NAE1: variants seen among roughly 807,000 people sequenced by gnomAD.
The protein encoded by NAE1 is NEDD8-activating enzyme E1 regulatory subunit.
A neutral mutation model predicts 88.0 loss-of-function variants in NAE1; 59 were observed. The ratio of observed to expected loss-of-function variants is 0.67; its 90% confidence interval spans 0.54 to 0.83. The LOEUF is 0.83. Ranked by LOEUF, NAE1 falls within the 40% of genes least tolerant of loss-of-function variation. NAE1 has a pLI of 0.00. For missense variants in NAE1, 554 were observed against 632.8 expected (o/e 0.88, Z 1.34); for synonymous variants, 186 against 208.9 (o/e 0.89, Z 0.95).
intron 7 of NAE1, among the ~76,000 whole-genome samples, chr16:66,820,073 C>T (rs1960190972): frequency 6.6e-6 from 1 of 152,278 alleles, no homozygotes; most frequent in East Asian, 1.9e-4. Context: ...CAGTTGACAC[C>T]ACTTTCAACT....
chr16:66,817,321 T>C (rs9889170), intron 9 of NAE1, 104 bp downstream of exon 9: 466,968 of 992,954 alleles, frequency 0.47, 113,688 homozygotes, highest in African/African-American at 0.64. Context: ...ACCATACAAC[T>C]CCATAAGGAA....
At chr16:66,805,637 CAAAAA>C in intron 19 of NAE1, 135 bp downstream of exon 19, 2 of 561,052 alleles carry the variant, frequency 3.6e-6, no homozygotes, top group Non-Finnish European at 5.0e-6. Context: ...GACTGCGTCT[CAAAAA>C]AAAAAAAAAG....
rs1460325168 is a variant in NAE1 at position 66,826,800 on chromosome 16, T to C, written c.54-20A>G. ...CACAACCTACAAAACAGACACAAAT[T>C]TGATGTTTTTAAAACTTTCATGAAA... On this transcript the variant is annotated intron_variant, in intron 1 of 19. Transcript: ENST00000290810. 7.6e-6 allele frequency: 12 copies of C among 1,576,794 alleles called. No individual in the cohort carries two copies. The highest frequency in any genetic ancestry group is 3.5e-5 in the South Asian group (3 of 85,400).
At chr16:66,809,151 C>G (rs756783820) in intron 15 of NAE1, 76 bp from the exon 16 acceptor site, 19 of 1,140,606 alleles carry the variant, frequency 1.7e-5, no homozygotes, top group Non-Finnish European at 2.5e-5. Flanking sequence ...ACTTTAAGAA[C>G]AGAGAATTAT....
chr16:66,818,670 A>G, intron 7 of NAE1, 33 bp from the exon 8 acceptor site: 1 of 1,570,114 alleles, frequency 6.4e-7, no homozygotes. Context: ...GGATAAATTT[A>G]ACACTTAAAA....
At chr16:66,814,991 T>A (rs1273013085) in intron 11 of NAE1, among the ~76,000 whole-genome samples, 1 of 152,232 alleles carries the variant, frequency 6.6e-6, no homozygotes, top group Non-Finnish European at 1.5e-5. Context: ...TGAAAAGCTC[T>A]TCCACCAGAC....
chr16:66,822,560 G>C (rs1960307082), intron 6 of NAE1, among the ~76,000 whole-genome samples: 1 of 151,720 alleles, frequency 6.6e-6, no homozygotes, highest in African/African-American at 2.4e-5. Context: ...AACAGAGCAA[G>C]ACTCTGTCTA....
At chr16:66,817,131 AAT>A in intron 9 of NAE1, 103 bp from the exon 10 acceptor site, 2 of 1,394,336 alleles carry the variant, frequency 1.4e-6, no homozygotes, top group Non-Finnish European at 1.9e-6. Context: ...TTCATCAACA[AAT>A]ATATTTCTCT....
At chr16:66,813,956 A>C in intron 11 of NAE1, 110 bp from the exon 12 acceptor site, 5 of 1,016,504 alleles carry the variant, frequency 4.9e-6, no homozygotes, top group African/African-American at 1.6e-5. Context: ...ATTGTAATCA[A>C]ATACAAACTT....
At chr16:66,815,086 C>T (rs1216576219) in intron 11 of NAE1, among the ~76,000 whole-genome samples, 2 of 152,254 alleles carry the variant, frequency 1.3e-5, no homozygotes, top group Non-Finnish European at 1.5e-5. Context: ...GTCTCTCAAC[C>T]CCGGATTCCC....
chr16:66,812,432 T>C (rs1423366383), intron 13 of NAE1, among the ~76,000 whole-genome samples: 1 of 151,754 alleles, frequency 6.6e-6, no homozygotes, highest in Admixed American at 6.6e-5. Context: ...GAAAAAAAAC[T>C]CTGCCTCCTA....
In NAE1 at chr16:66,830,105, T is replaced by TA. The variant is rs59000906; in HGVS notation, c.53+741_53+742insT. Among the ~76,000 whole-genome samples, 758 of 152,250 alleles carry TA rather than the reference T, an allele frequency of 5.0e-3. 10 individuals carry two copies. The highest frequency in any genetic ancestry group is 0.018 in the African/African-American group (729 of 41,552). On this transcript the variant is annotated intron_variant, in intron 1 of 19. Transcript: ENST00000290810. ...TTTCACCATGTTGCCCAGGCTGGTC[T>TA]CGAACTCCTGACCTCAGGTGATCCG...
At chr16:66,806,714 A>T (rs1178220648) in intron 17 of NAE1, among the ~76,000 whole-genome samples, 1 of 152,192 alleles carries the variant, frequency 6.6e-6, no homozygotes, top group African/African-American at 2.4e-5. Context: ...TGCCTGGCCA[A>T]TAATAGGTCA....
Position 66,808,502 on chromosome 16 carries a change from A to G in NAE1, c.1330+19T>C. On this transcript the variant is annotated intron_variant, in intron 17 of 19. Transcript: ENST00000290810. ...ATTGAAGATCTTATTATATCTGGTAATTCAATTGCTATTCTTACCTGGATA... is the reference window on the plus strand; with the variant it reads ...ATTGAAGATCTTATTATATCTGGTAGTTCAATTGCTATTCTTACCTGGATA... The G allele has an allele frequency of 7.0e-7, 1 of 1,435,160 alleles. No homozygotes were observed. The highest frequency in any genetic ancestry group is 9.7e-7 in the Non-Finnish European group (1 of 1,031,050). The allele number at this position is 1,435,160 out of a possible 1,614,324, so 88.9% of individuals were successfully genotyped here.
chr16:66,823,394 C>A (rs1448576817), intron 5 of NAE1, 88 bp from the exon 6 acceptor site: 1 of 1,341,868 alleles, frequency 7.5e-7, no homozygotes, highest in African/African-American at 1.5e-5. Context: ...AGCTATTTTA[C>A]AACAAATGAG....
intron 7 of NAE1, 36 bp from the exon 8 acceptor site, chr16:66,818,673 ACT>A: frequency 6.4e-7 from 1 of 1,560,906 alleles, no homozygotes; most frequent in Middle Eastern, 1.8e-4. Context: ...TAAATTTAAC[ACT>A]TAAAAAAAAA....
chr16:66,819,730 T>G (rs1166491153), intron 7 of NAE1, among the ~76,000 whole-genome samples: 1 of 152,194 alleles, frequency 6.6e-6, no homozygotes, highest in Admixed American at 6.5e-5. Flanking sequence ...TTTGGAGCAT[T>G]TCTGATTTTG....
intron 7 of NAE1, among the ~76,000 whole-genome samples, chr16:66,820,640 G>A (rs957664363): frequency 1.3e-5 from 2 of 151,466 alleles, no homozygotes; most frequent in African/African-American, 2.4e-5. Flanking sequence ...GGTGGCTCAC[G>A]CCTGTAATCC....
At chr16:66,827,888 G>T in intron 1 of NAE1, 1 of 1,112,488 alleles carries the variant, frequency 9.0e-7, no homozygotes. Context: ...GTCTTACTAT[G>T]TTATCCAGAC....
Sources: gnomAD v4.1 joint callset for allele counts (sites outside exome capture counted in the v4.1 genomes callset) on GRCh38, gnomAD v4.1.1 for gene constraint, MANE v1.5 for transcripts, NCBI Gene and HGNC (gene_info 2026-07-23, HGNC 2026-07-21) for gene names.